PDE11A: variants seen among roughly 807,000 people sequenced by gnomAD.
PDE11A encodes the protein phosphodiesterase 11A, also known as dual 3',5'-cyclic-AMP and -GMP phosphodiesterase 11A.
In PDE11A, 100 loss-of-function variants were observed where a neutral mutation model predicts 100.5. That is an observed-to-expected ratio of 1.00 (90% CI 0.85 to 1.18). PDE11A has a LOEUF of 1.18. Among genes scored for constraint, PDE11A ranks in the 50% most tolerant of loss-of-function variants. The probability of loss-of-function intolerance (pLI) is 0.00; values close to 1 mark genes in which losing one functional copy is unlikely to be tolerated. For synonymous variants in PDE11A, 381 were observed against 420.8 expected, an observed-to-expected ratio of 0.91 and a Z score of 1.16; for missense variants, 1,141 against 1,152.6, an observed-to-expected ratio of 0.99 and a Z score of 0.15.
In PDE11A at chr2:177,710,403, G is replaced by T. The variant is rs759076207; in HGVS notation, c.2153+1366C>A. Among the ~76,000 whole-genome samples the T allele has an allele frequency of 2.6e-5, 4 of 152,308 alleles. No individual in the cohort carries two copies. The South Asian group carries it at 8.3e-4, about 32-fold the overall frequency. On this transcript the variant is annotated intron_variant, in intron 13 of 19. Coordinates refer to ENST00000286063, the MANE Select transcript of PDE11A (RefSeq NM_016953.4). ...CAGGAGGTGGTTTTGGAAGACACAAGTTTGGTATATGAAACTGCTAAGAGC... is the reference window on the plus strand; with the variant it reads ...CAGGAGGTGGTTTTGGAAGACACAATTTTGGTATATGAAACTGCTAAGAGC...
chr2:177,774,441 A>C (rs2082352023), intron 9 of PDE11A, among the ~76,000 whole-genome samples: 1 of 152,228 alleles, frequency 6.6e-6, no homozygotes, highest in African/African-American at 2.4e-5. Flanking sequence ...CAGCAGTATT[A>C]AACTTGGGAG....
intron 12 of PDE11A, among the ~76,000 whole-genome samples, chr2:177,719,691 A>G (rs954652139): frequency 6.6e-6 from 1 of 152,148 alleles, no homozygotes; most frequent in African/African-American, 2.4e-5. Context: ...ACAGAAAGGC[A>G]GTATTTACAG....
intron 2 of PDE11A, among the ~76,000 whole-genome samples, chr2:178,010,540 CA>C (rs1316717294): frequency 6.6e-6 from 1 of 152,104 alleles, no homozygotes; most frequent in Non-Finnish European, 1.5e-5. Flanking sequence ...CCCTTTGACT[CA>C]GTAATTTCAG....
chr2:177,689,843 G>A (rs1057137724), intron 15 of PDE11A, among the ~76,000 whole-genome samples: 3 of 152,212 alleles, frequency 2.0e-5, no homozygotes, highest in Non-Finnish European at 2.9e-5. Context: ...GGCCCCAGCA[G>A]TCAGTTCATT....
chr2:177,888,712 C>T, intron 4 of PDE11A: 2 of 944,848 alleles, frequency 2.1e-6, no homozygotes, highest in Non-Finnish European at 2.5e-6. Context: ...AGTGAGCAAA[C>T]CTGGGAGATG....
intron 10 of PDE11A, among the ~76,000 whole-genome samples, chr2:177,745,189 A>G (rs1056153829): frequency 1.3e-5 from 2 of 152,232 alleles, no homozygotes; most frequent in African/African-American, 2.4e-5. Flanking sequence ...ACAAAAAATC[A>G]TGGCATGAAA....
chr2:177,698,217 CA>C (rs2081144455), intron 14 of PDE11A, among the ~76,000 whole-genome samples: 1 of 152,194 alleles, frequency 6.6e-6, no homozygotes, highest in Non-Finnish European at 1.5e-5. Context: ...TCGTTCTTGG[CA>C]CAGTGGGACT....
At chr2:177,986,368 C>G (rs1559032881) in intron 2 of PDE11A, among the ~76,000 whole-genome samples, 2 of 152,206 alleles carry the variant, frequency 1.3e-5, no homozygotes, top group African/African-American at 4.8e-5. Flanking sequence ...AGCCTTTTCA[C>G]AGTCTCTGTG....
At chr2:177,886,588 T>C (rs754750201) in intron 4 of PDE11A, among the ~76,000 whole-genome samples, 28 of 152,330 alleles carry the variant, frequency 1.8e-4, no homozygotes, top group Non-Finnish European at 3.7e-4. Flanking sequence ...TTTTTAAGTA[T>C]TAGAATCACA....
chr2:177,938,856 A>C (rs2085309275), intron 2 of PDE11A, among the ~76,000 whole-genome samples: 1 of 152,232 alleles, frequency 6.6e-6, no homozygotes, highest in African/African-American at 2.4e-5. Flanking sequence ...ATGAAGTCAC[A>C]TGAGTGAACT....
chr2:177,997,730 A>G (rs1227227105), intron 2 of PDE11A: 16 of 1,505,990 alleles, frequency 1.1e-5, no homozygotes, highest in Non-Finnish European at 1.4e-5. Context: ...TGAAAACTGT[A>G]CAACAAACAT....
chr2:177,856,111 C>T (rs947065193), intron 5 of PDE11A, among the ~76,000 whole-genome samples: 1 of 152,078 alleles, frequency 6.6e-6, no homozygotes, highest in African/African-American at 2.4e-5. Context: ...GGCTGGAAGA[C>T]TTATTGGTTC....
At chr2:177,998,777 C>T (rs919357032) in intron 2 of PDE11A, 12 of 751,570 alleles carry the variant, frequency 1.6e-5, no homozygotes, top group East Asian at 7.4e-5. Context: ...GCATGGTGAG[C>T]GACAAGCCCA....
At chr2:178,100,126 G>A (rs144721722) in intron 2 of PDE11A, among the ~76,000 whole-genome samples, 4 of 152,286 alleles carry the variant, frequency 2.6e-5, no homozygotes, top group African/African-American at 9.6e-5. Flanking sequence ...CAGAGTTTCA[G>A]TTTGAGAAAA....
At chr2:177,909,999 T>C (rs1180936568) in intron 2 of PDE11A, among the ~76,000 whole-genome samples, 1 of 152,238 alleles carries the variant, frequency 6.6e-6, no homozygotes, top group Admixed American at 6.5e-5. Flanking sequence ...GTCTTCTTTA[T>C]GTCATTGGTA....
At chr2:177,858,208 C>T (rs1448242872) in intron 5 of PDE11A, among the ~76,000 whole-genome samples, 1 of 151,986 alleles carries the variant, frequency 6.6e-6, no homozygotes, top group East Asian at 1.9e-4. Context: ...ATGTCTAAAA[C>T]ACCAAAAGCA....
intron 13 of PDE11A, among the ~76,000 whole-genome samples, chr2:177,702,048 A>G (rs1286184503): frequency 6.6e-6 from 1 of 152,208 alleles, no homozygotes; most frequent in Admixed American, 6.5e-5. Flanking sequence ...GTCTGTATTA[A>G]TTATTAATCA....
chr2:177,983,545 T>C (rs1018573348), intron 2 of PDE11A, among the ~76,000 whole-genome samples: 1 of 152,192 alleles, frequency 6.6e-6, no homozygotes, highest in Admixed American at 6.5e-5. Context: ...AAAGCAGCTA[T>C]AATCAAAACC....
Position 177,628,118 on chromosome 2 carries a change from A to G in PDE11A, c.*1289T>C, listed in dbSNP as rs2105426153. 6.5e-6 allele frequency: 1 copy of G among 152,676 alleles called. No individual in the cohort carries two copies. Among genetic ancestry groups the G allele is most frequent in the East Asian group, 1.9e-4 (1 of 5,186 alleles). The allele number at this position is 152,676 out of a possible 1,614,324, so 9.5% of individuals were successfully genotyped here. ...ATTCATTGAAAGATTTATTTGAACAAAGAGTTGTAAGGTTAAAACATGTTC... is the reference window on the plus strand; with the variant it reads ...ATTCATTGAAAGATTTATTTGAACAGAGAGTTGTAAGGTTAAAACATGTTC... On this transcript the variant is annotated 3_prime_UTR_variant, in exon 20 of 20. Coordinates refer to ENST00000286063, the MANE Select transcript of PDE11A (RefSeq NM_016953.4).
Sources: allele counts gnomAD v4.1 joint callset (sites outside exome capture counted in the v4.1 genomes callset), GRCh38; gene constraint gnomAD v4.1.1; transcripts MANE v1.5; gene names NCBI Gene and HGNC (gene_info 2026-07-23, HGNC 2026-07-21).